Variants in SKOR1 observed in about 807,000 individuals in gnomAD.
SKOR1 encodes LBX1 corepressor 1.
A neutral mutation model predicts 72.4 loss-of-function variants in SKOR1; 38 were observed. That is an observed-to-expected ratio of 0.52 (90% CI 0.40 to 0.69). The LOEUF (loss-of-function observed/expected upper bound fraction) is 0.69. Ranked by LOEUF, SKOR1 falls within the 30% of genes least tolerant of loss-of-function variation. SKOR1 has a pLI of 0.00. For synonymous variants in SKOR1, 642 were observed against 599.4 expected (o/e 1.07, Z -1.04); for missense variants, 1,320 against 1,343.2 (o/e 0.98, Z 0.27).
intron 5 of SKOR1, among the ~76,000 whole-genome samples, chr15:67,831,167 C>G (rs558711738): frequency 3.3e-5 from 5 of 152,208 alleles, no homozygotes; most frequent in Non-Finnish European, 7.3e-5. Context: ...TCTGAATAGC[C>G]TTGCCAGAAA....
Position 67,827,353 on chromosome 15 carries a change from C to T in SKOR1, c.1525C>T (p.Gln509Ter), listed in dbSNP as rs1422303414. Residue 509 changes from glutamine to a stop codon, truncating the protein, a stop_gained, in exon 2 of 9, where the codon CAA becomes TAA. Transcript: ENST00000380035. LOFTEE classifies it high-confidence loss of function. ...ACCGTCCTACCCCGCTGCTCAGAGCCAAGCCAAGGCCGTGGCGGCAGCCGT... is the reference window on the plus strand; with the variant it reads ...ACCGTCCTACCCCGCTGCTCAGAGCTAAGCCAAGGCCGTGGCGGCAGCCGT... Reference protein sequence around the residue: ...PVPSYPAAQSQAKAVAAAVAA... With the variant: ...PVPSYPAAQS The T allele has an allele frequency of 6.3e-7, 1 of 1,578,036 alleles. No homozygotes were observed. Among genetic ancestry groups the T allele is most frequent in the Non-Finnish European group, 8.5e-7 (1 of 1,171,504 alleles).
intron 5 of SKOR1, among the ~76,000 whole-genome samples, chr15:67,831,923 C>CGGGGCG (rs1465105812): frequency 7.3e-5 from 1 of 13,650 alleles, no homozygotes; most frequent in Non-Finnish European, 1.3e-4. Flanking sequence ...AGGTCGGGGC[C>CGGGGCG]GGGGCGGGGG....
Position 67,827,193 on chromosome 15 carries a change from C to A in SKOR1, c.1365C>A (p.Gly455=). 1 of 1,415,588 alleles carries A rather than the reference C, an allele frequency of 7.1e-7. No homozygotes were observed. Among genetic ancestry groups the A allele is most frequent in the South Asian group, 1.6e-5 (1 of 62,294 alleles). 87.7% of individuals were successfully genotyped at this position (1,415,588 alleles called of 1,614,324 possible). The part of the protein sequence containing the change: ...HLPPGAGAGP[G]GGAMFWGHQP... ...CCCCGGGGGCAGGGGCGGGCCCGGG[C>A]GGCGGCGCCATGTTCTGGGGGCATC... is the stretch of plus-strand genomic sequence containing the variant. Residue 455 remains glycine (G), a synonymous_variant, in exon 2 of 9, where the codon GGC becomes GGA. Transcript: ENST00000380035.
intron 2 of SKOR1, 97 bp downstream of exon 2, chr15:67,828,241 G>A: frequency 1.5e-6 from 2 of 1,357,308 alleles, no homozygotes; most frequent in South Asian, 1.8e-5. Flanking sequence ...TTTGTTCCGC[G>A]CAGGCGTGGG....
intron 5 of SKOR1, 105 bp downstream of exon 5, chr15:67,830,994 C>A: frequency 8.6e-7 from 1 of 1,161,374 alleles, no homozygotes; most frequent in East Asian, 2.3e-5. Context: ...AAAAGACACT[C>A]ACCAAGGCCT....
rs1444002306 is a variant in SKOR1, at chr15:67,832,513, T to TG, written c.2663-89dup. On this transcript the variant is annotated intron_variant, in intron 6 of 8. Transcript: ENST00000380035. This position sits in a 1 kb window ranked among gnomAD's most constrained non-coding sequence, Gnocchi z 4.5. ...TGCAGGCGAATGGCTGGGTGGGAGT[T>TG]GGGGGTAGGGGTGAAAGGGGGGGCC... 7.6e-7 allele frequency: 1 copy of TG among 1,311,174 alleles called. No homozygotes were observed. The highest frequency in any genetic ancestry group is 1.5e-5 in the African/African-American group (1 of 68,038). The allele number at this position is 1,311,174 out of a possible 1,614,324, so 81.2% of individuals were successfully genotyped here. A position where few individuals can be genotyped will look rare whatever the true frequency, so the allele number is the denominator to read the frequency against.
In SKOR1 at chr15:67,826,917, C is replaced by G. The variant is rs761752041; in HGVS notation, c.1089C>G (p.Pro363=). The G allele has an allele frequency of 5.3e-5, 82 of 1,560,284 alleles. No homozygotes were observed. The highest frequency in any genetic ancestry group is 6.9e-5 in the Non-Finnish European group (80 of 1,160,376). The change falls in exon 2 of 9, where the codon CCC becomes CCG. Residue 363 remains proline (P), a synonymous_variant. Coordinates refer to ENST00000380035, the MANE Select transcript of SKOR1 (RefSeq NM_001365915.1). ...GASGPAGPGG[P]GGGAGVRSYP... ...GTGGCCCGGCGGGCCCAGGAGGGCC[C>G]GGTGGCGGCGCCGGCGTACGAAGCT... is the stretch of plus-strand genomic sequence containing the variant.
In SKOR1 at chr15:67,828,022, G is replaced by A. The variant is rs1179485034; in HGVS notation, c.2194G>A (p.Ala732Thr). The A allele has an allele frequency of 6.5e-6, 10 of 1,539,262 alleles. No homozygotes were observed. The Admixed American group carries it at 1.2e-4, about 18-fold the overall frequency. Reference sequence around the variant, plus strand: ...CGGGCCACCCCCAGCTGGCCGGCCCGCATTTGGGGACTTGGCAGCCGAAGA... The same window carrying A: ...CGGGCCACCCCCAGCTGGCCGGCCCACATTTGGGGACTTGGCAGCCGAAGA... ...RLGPPPAGRP[A>T]FGDLAAEDLV... Residue 732 changes from alanine to threonine, a missense_variant, in exon 2 of 9, where the codon GCA (alanine) becomes ACA (threonine). By Grantham distance (58) the Ala-to-Thr change is moderately conservative. Coordinates refer to ENST00000380035, the MANE Select transcript of SKOR1 (RefSeq NM_001365915.1).
In SKOR1 at chr15:67,833,999, C is replaced by A; in HGVS notation, c.*163C>A. 1 of 770,756 alleles carries A rather than the reference C, an allele frequency of 1.3e-6. No individual in the cohort carries two copies. The allele number at this position is 770,756 out of a possible 1,614,324, so 47.7% of individuals were successfully genotyped here. ...TCCCGGGCTCCCCGGCCTTGCCCGC[C>A]CCCTCCCGGGCGTCCCTGTCCAGGG... is the stretch of plus-strand genomic sequence containing the variant. On this transcript the variant is annotated 3_prime_UTR_variant, in exon 9 of 9. Transcript: ENST00000380035. This position sits in a 1 kb window ranked among gnomAD's most constrained non-coding sequence, Gnocchi z 6.0.
rs2090957538 is a variant in SKOR1, at chr15:67,826,236, G to A, written c.408G>A (p.Glu136=). 6.2e-7 allele frequency: 1 copy of A among 1,613,144 alleles called. No individual in the cohort carries two copies. Among genetic ancestry groups the A allele is most frequent in the Non-Finnish European group, 8.5e-7 (1 of 1,180,014 alleles). Residue 136 remains glutamate, a synonymous_variant, in exon 2 of 9, where the codon GAG becomes GAA. Coordinates refer to ENST00000380035, the MANE Select transcript of SKOR1 (RefSeq NM_001365915.1). ...TCVQCTPVQL[E]ILRRAGAMPI... ...TGCAGTGCACGCCGGTACAGCTGGA[G>A]ATTCTGCGTCGGGCCGGGGCCATGC...
chr15:67,833,454 C>G lies in SKOR1; in HGVS notation c.2803+197C>G, dbSNP rs1255139304. ...GGGTAAAAAGAAAGAGCCCCTTGGG[C>G]TTTGGACGTCAGAAAAATCTGCCTT... On this transcript the variant is annotated intron_variant, in intron 8 of 8. Coordinates refer to ENST00000380035, the MANE Select transcript of SKOR1 (RefSeq NM_001365915.1). This position sits in a 1 kb window ranked among gnomAD's most constrained non-coding sequence, Gnocchi z 6.0. 6.6e-6 allele frequency among the ~76,000 whole-genome samples: 1 copy of G among 152,176 alleles called. No homozygotes were observed. The highest frequency in any genetic ancestry group is 1.5e-5 in the Non-Finnish European group (1 of 68,026).
rs1368558257 is a variant in SKOR1, at chr15:67,833,167, A to C, written c.2738-25A>C. 4 of 1,613,688 alleles carry C rather than the reference A, an allele frequency of 2.5e-6. No individual in the cohort carries two copies. The South Asian group carries it at 3.3e-5, about 13-fold the overall frequency. On this transcript the variant is annotated intron_variant, in intron 7 of 8. Transcript: ENST00000380035. The surrounding 1 kb of genome is among the most constrained non-coding windows in gnomAD (Gnocchi z 6.0). ...TTCGGAGGGTGGTCTGCGTTTCCTCACTGGCCCCTCCCCTTGTCTTCCAGA... is the reference window on the plus strand; with the variant it reads ...TTCGGAGGGTGGTCTGCGTTTCCTCCCTGGCCCCTCCCCTTGTCTTCCAGA...
At position 67,833,101 on chromosome 15, in the gene SKOR1, G is replaced by T; in HGVS notation, c.2738-91G>T. 1 of 1,377,180 alleles carries T rather than the reference G, an allele frequency of 7.3e-7. No homozygotes were observed. Among genetic ancestry groups the T allele is most frequent in the Non-Finnish European group, 1.0e-6 (1 of 975,754 alleles). The allele number at this position is 1,377,180 out of a possible 1,614,324, so 85.3% of individuals were successfully genotyped here. A position where few individuals can be genotyped will look rare whatever the true frequency, so the allele number is the denominator to read the frequency against. ...TGGAGTTGTTTCTGCGCGGAGCTTA[G>T]CCCTGGGGAGAGGAGGAAGCCCGGG... On this transcript the variant is annotated intron_variant, in intron 7 of 8. Transcript: ENST00000380035. This position sits in a 1 kb window ranked among gnomAD's most constrained non-coding sequence, Gnocchi z 6.0.
rs917103690 is a variant in SKOR1, at chr15:67,825,523, A to G, written c.-80A>G. The G allele has an allele frequency of 8.3e-6, 5 of 601,914 alleles. No homozygotes were observed. Among genetic ancestry groups the G allele is most frequent in the Admixed American group, 2.2e-5 (1 of 45,706 alleles). The allele number at this position is 601,914 out of a possible 1,614,324, so 37.3% of individuals were successfully genotyped here. On this transcript the variant is annotated 5_prime_UTR_variant, in exon 1 of 9. Transcript: ENST00000380035. The surrounding 1 kb of genome is among the most constrained non-coding windows in gnomAD (Gnocchi z 5.6). ...GGCCGATCCCCGAAGTCCGGGCTTC[A>G]GGACCCGGGCCGGCAGCACCGGCTG...
At position 67,827,214 on chromosome 15, in the gene SKOR1, G is replaced by A. The variant is rs770899192; in HGVS notation, c.1386G>A (p.Gly462=). Residue 462 remains glycine (G), a synonymous_variant, in exon 2 of 9, where the codon GGG becomes GGA. Transcript: ENST00000380035. ...AGPGGGAMFW[G]HQPSGAAKDA... ...CGGGCGGCGGCGCCATGTTCTGGGG[G>A]CATCAACCCTCCGGGGCAGCCAAGG... 3 of 1,550,274 alleles carry A rather than the reference G, an allele frequency of 1.9e-6. No homozygotes were observed. Among genetic ancestry groups the A allele is most frequent in the Non-Finnish European group, 2.6e-6 (3 of 1,157,024 alleles).
chr15:67,828,282 C>T, intron 2 of SKOR1, 138 bp downstream of exon 2: 1 of 1,332,704 alleles, frequency 7.5e-7, no homozygotes, highest in Non-Finnish European at 9.6e-7. Context: ...CTCCGCAGGC[C>T]CAGCCTTGGG....
intron 5 of SKOR1, 40 bp downstream of exon 5, chr15:67,830,929 A>G (rs112083594): frequency 6.3e-7 from 1 of 1,592,164 alleles, no homozygotes; most frequent in Non-Finnish European, 8.6e-7. Flanking sequence ...GCTGTGCTTG[A>G]GAGTGATGGG....
In SKOR1 at chr15:67,833,387, G is replaced by C; in HGVS notation, c.2803+130G>C. The C allele has an allele frequency of 1.0e-6, 1 of 986,548 alleles. No homozygotes were observed. Among genetic ancestry groups the C allele is most frequent in the Non-Finnish European group, 1.6e-6 (1 of 630,466 alleles). The allele number at this position is 986,548 out of a possible 1,614,324, so 61.1% of individuals were successfully genotyped here. A position where few individuals can be genotyped will look rare whatever the true frequency, so the allele number is the denominator to read the frequency against. ...GGATCAGGATCTGTGAGGGAGAAAAGTGGGAACTGATTTTAACGGGAAGAT... is the reference window on the plus strand; with the variant it reads ...GGATCAGGATCTGTGAGGGAGAAAACTGGGAACTGATTTTAACGGGAAGAT... On this transcript the variant is annotated intron_variant, in intron 8 of 8. Coordinates refer to ENST00000380035, the MANE Select transcript of SKOR1 (RefSeq NM_001365915.1). This position sits in a 1 kb window ranked among gnomAD's most constrained non-coding sequence, Gnocchi z 6.0.
chr15:67,826,956 G>A lies in SKOR1; in HGVS notation c.1128G>A (p.Pro376=), dbSNP rs370291556. ...GCGTACGAAGCTACCCGGTGATCCC[G>A]GTGCCCAGCAAAGGCTTTGGGCTCC... ...GAGVRSYPVI[P]VPSKGFGLLQ... The change falls in exon 2 of 9, where the codon CCG becomes CCA. Residue 376 remains proline, a synonymous_variant. Transcript: ENST00000380035. The A allele has an allele frequency of 2.5e-6, 4 of 1,593,508 alleles. No homozygotes were observed. Among genetic ancestry groups the A allele is most frequent in the Non-Finnish European group, 3.4e-6 (4 of 1,177,920 alleles).
Sources: gnomAD v4.1 joint callset for allele counts (sites outside exome capture counted in the v4.1 genomes callset) on GRCh38, gnomAD v4.1.1 for gene constraint, Gnocchi (gnomAD v3.1) non-coding constraint, MANE v1.5 for transcripts, NCBI Gene and HGNC (gene_info 2026-07-23, HGNC 2026-07-21) for gene names.